SUPT16H: variants seen among roughly 807,000 people sequenced by gnomAD.
The protein encoded by SUPT16H is FACT complex subunit SPT16.
Under a neutral mutation model 136.2 loss-of-function variants are expected in SUPT16H, and 24 were observed. The ratio of observed to expected loss-of-function variants is 0.18; its 90% CI spans 0.13 to 0.25. The LOEUF (loss-of-function observed/expected upper bound fraction) is 0.25. Ranked by LOEUF, SUPT16H falls within the 10% of genes least tolerant of loss-of-function variation. The pLI, the probability that SUPT16H is intolerant of heterozygous loss-of-function variation, is 1.00. For synonymous variants in SUPT16H, 415 were observed against 428.2 expected (o/e 0.97, Z 0.38); for missense variants, 623 against 1,270.2 (o/e 0.49, Z 7.74).
At chr14:21,355,437 G>A (rs569764609) in intron 22 of SUPT16H, among the ~76,000 whole-genome samples, 81 of 149,160 alleles carry the variant, frequency 5.4e-4, no homozygotes, top group African/African-American at 2.0e-3. Flanking sequence ...AGGTTGCAGT[G>A]AGCCGAGATC....
In SUPT16H at chr14:21,373,395, A is replaced by G. The variant is rs779282890; in HGVS notation, c.102T>C (p.Ile34=). 1.5e-5 allele frequency: 25 copies of G among 1,614,172 alleles called. No homozygotes were observed. The South Asian group carries it at 2.6e-4, about 17-fold the overall frequency. The change falls in exon 2 of 26, where the codon ATT becomes ATC. Residue 34 remains isoleucine (I), a synonymous_variant. Coordinates refer to ENST00000216297, the MANE Select transcript of SUPT16H (RefSeq NM_007192.4). ...CTTCATCAACACCCACTGATACAACAATGGCATCAACGTTGGCATACTCAT... is the reference window on the plus strand; with the variant it reads ...CTTCATCAACACCCACTGATACAACGATGGCATCAACGTTGGCATACTCAT... ...GEDEYANVDA[I]VVSVGVDEEI... is the part of the protein sequence containing the mutation.
Position 21,352,312 on chromosome 14 carries a change from T to C in SUPT16H, c.*361A>G. The C allele has an allele frequency of 3.7e-6, 1 of 267,758 alleles. No homozygotes were observed. Among genetic ancestry groups the C allele is most frequent in the Non-Finnish European group, 7.4e-6 (1 of 135,398 alleles). The allele number at this position is 267,758 out of a possible 1,614,324, so 16.6% of individuals were successfully genotyped here. On this transcript the variant is annotated 3_prime_UTR_variant, in exon 26 of 26. Coordinates refer to ENST00000216297, the MANE Select transcript of SUPT16H (RefSeq NM_007192.4). Reference sequence around the variant, plus strand: ...ATGATACGGGTAATTAAGGGTCACCTTGTACCACTGTCTTGGAAATACAGC... The same window carrying C: ...ATGATACGGGTAATTAAGGGTCACCCTGTACCACTGTCTTGGAAATACAGC...
rs757485943 is a variant in SUPT16H, at chr14:21,362,782, G to C, written c.1665+12C>G. ...CAGTTTGGATGAAACCTGATGCACT[G>C]AATGTCAGTACCTTGATTGTGGCAA... On this transcript the variant is annotated intron_variant, in intron 14 of 25. Coordinates refer to ENST00000216297, the MANE Select transcript of SUPT16H (RefSeq NM_007192.4). 2 of 1,591,130 alleles carry C rather than the reference G, an allele frequency of 1.3e-6. No individual in the cohort carries two copies. Among genetic ancestry groups the C allele is most frequent in the South Asian group, 2.3e-5 (2 of 86,886 alleles).
intron 1 of SUPT16H, among the ~76,000 whole-genome samples, chr14:21,382,641 T>C (rs1450534832): frequency 1.3e-5 from 2 of 150,356 alleles, no homozygotes; most frequent in African/African-American, 2.4e-5. Context: ...GGTTTTAAAA[T>C]GTTTTTCTAA....
At chr14:21,379,473 T>C (rs1453426247) in intron 1 of SUPT16H, among the ~76,000 whole-genome samples, 2 of 149,736 alleles carry the variant, frequency 1.3e-5, no homozygotes, top group East Asian at 2.0e-4. Context: ...AACTAGACTA[T>C]AAAAGCTGAG....
intron 5 of SUPT16H, 121 bp from the exon 6 acceptor site, chr14:21,369,476 C>T: frequency 7.5e-7 from 1 of 1,332,378 alleles, no homozygotes; most frequent in Non-Finnish European, 1.0e-6. Context: ...GATTTATGCG[C>T]CAGGTAATAT....
Position 21,365,116 on chromosome 14 carries a change from T to G in SUPT16H, c.1074A>C (p.Glu358Asp). 6.2e-7 allele frequency: 1 copy of G among 1,613,794 alleles called. No individual in the cohort carries two copies. Among genetic ancestry groups the G allele is most frequent in the Non-Finnish European group, 8.5e-7 (1 of 1,179,860 alleles). The change falls in exon 9 of 26, where the codon GAA becomes GAC. Residue 358 changes from glutamate to aspartate, a missense_variant. Transcript: ENST00000216297. Reference sequence around the variant, plus strand: ...TTTTGCTATTGATTACTAGGGAGCCTTCACGGAATTCAATTCCCATCCCAA... The same window carrying G: ...TTTTGCTATTGATTACTAGGGAGCCGTCACGGAATTCAATTCCCATCCCAA... ...LGFGMGIEFREGSLVINSKNQ... is the reference protein window; with the variant it reads ...LGFGMGIEFRDGSLVINSKNQ...
intron 18 of SUPT16H, among the ~76,000 whole-genome samples, chr14:21,359,962 C>A (rs936656323): frequency 1.3e-5 from 2 of 152,192 alleles, no homozygotes; most frequent in Non-Finnish European, 2.9e-5. Context: ...AGATGCCAGG[C>A]CTTGTGGCCT....
chr14:21,352,691 G>A lies in SUPT16H; in HGVS notation c.3126C>T (p.Pro1042=), dbSNP rs1339958979. ...NRGSRHSSAP[P]KKKRK ...TCAGAAGTTACTTCCTCTTTTTCTT[G>A]GGGGGTGCAGAGCTGTGTCTGGAAC... is the stretch of plus-strand genomic sequence containing the variant. Residue 1042 remains proline, a synonymous_variant, in exon 26 of 26, where the codon CCC becomes CCT. Transcript: ENST00000216297. The A allele has an allele frequency of 3.1e-6, 5 of 1,613,902 alleles. No individual in the cohort carries two copies. The highest frequency in any genetic ancestry group is 1.3e-5 in the African/African-American group (1 of 74,920).
chr14:21,358,223 TATG>T (rs1481915511), intron 20 of SUPT16H, 89 bp downstream of exon 20: 27 of 883,184 alleles, frequency 3.1e-5, no homozygotes, highest in African/African-American at 1.2e-4. Flanking sequence ...GAAAAAAGGA[TATG>T]ATATGTTAAA....
At chr14:21,378,573 G>A (rs1349653045) in intron 1 of SUPT16H, among the ~76,000 whole-genome samples, 1 of 152,100 alleles carries the variant, frequency 6.6e-6, no homozygotes, top group African/African-American at 2.4e-5. Context: ...CAACTTTTCT[G>A]TCTTTAAAAT....
Position 21,366,532 on chromosome 14 carries a change from A to G in SUPT16H, c.956-3T>C. 6.2e-7 allele frequency: 1 copy of G among 1,611,550 alleles called. No individual in the cohort carries two copies. Among genetic ancestry groups the G allele is most frequent in the Non-Finnish European group, 8.5e-7 (1 of 1,179,160 alleles). ...ATACACGTCACATATCTTCACACCTAATAACAAGACACAAAGGAGATATTA... is the reference window on the plus strand; with the variant it reads ...ATACACGTCACATATCTTCACACCTGATAACAAGACACAAAGGAGATATTA... On this transcript the variant is annotated splice_polypyrimidine_tract_variant and splice_region_variant and intron_variant, in intron 7 of 25. Transcript: ENST00000216297.
intron 17 of SUPT16H, 133 bp from the exon 18 acceptor site, chr14:21,360,666 C>G: frequency 8.3e-7 from 1 of 1,205,432 alleles, no homozygotes; most frequent in Non-Finnish European, 1.2e-6. Flanking sequence ...TTCCTTCTGG[C>G]CACACAGCAG....
At position 21,380,937 on chromosome 14, in the gene SUPT16H, A is replaced by T. The variant is rs1289436209; in HGVS notation, c.66+2925T>A. ...AAAGGCTGGCAATCCCTGAAGAAGG[A>T]TCTAGTAGGCATAAGAGGACAAAGA... On this transcript the variant is annotated intron_variant, in intron 1 of 25. Coordinates refer to ENST00000216297, the MANE Select transcript of SUPT16H (RefSeq NM_007192.4). Among the ~76,000 whole-genome samples, 11 of 151,500 alleles carry T rather than the reference A, an allele frequency of 7.3e-5. No homozygotes were observed. In the Admixed American group the frequency reaches 7.3e-4, roughly 10 times the overall value.
At chr14:21,363,800 T>A (rs1293780660) in intron 10 of SUPT16H, among the ~76,000 whole-genome samples, 4 of 152,256 alleles carry the variant, frequency 2.6e-5, no homozygotes. Flanking sequence ...TGCCTCAGCC[T>A]CCCGAGTAGC....
rs138591909 is a variant in SUPT16H at position 21,382,219 on chromosome 14, T to C, written c.66+1643A>G. On this transcript the variant is annotated intron_variant, in intron 1 of 25. Transcript: ENST00000216297. Reference sequence around the variant, plus strand: ...AATAGCCACAGGTTTTGTTAACTGGTACATTTTTACATAGATTTGGCTCAT... The same window carrying C: ...AATAGCCACAGGTTTTGTTAACTGGCACATTTTTACATAGATTTGGCTCAT... Among the ~76,000 whole-genome samples the C allele has an allele frequency of 1.4e-4, 21 of 152,346 alleles. No homozygotes were observed. The East Asian group carries it at 3.9e-3, about 28-fold the overall frequency.
intron 18 of SUPT16H, 143 bp from the exon 19 acceptor site, chr14:21,359,752 G>GA: frequency 6.4e-6 from 6 of 937,578 alleles, no homozygotes; most frequent in African/African-American, 1.7e-5. Flanking sequence ...AAATAATGAT[G>GA]CTTGGGAATG....
intron 10 of SUPT16H, 41 bp downstream of exon 10, chr14:21,364,786 G>A (rs1886630108): frequency 1.9e-6 from 3 of 1,562,608 alleles, no homozygotes; most frequent in Non-Finnish European, 1.8e-6. Context: ...TGCCTCAGAA[G>A]TTAGTTCATG....
intron 2 of SUPT16H, chr14:21,372,615 T>A (rs772789418): frequency 2.4e-6 from 1 of 418,970 alleles, no homozygotes; most frequent in Admixed American, 3.4e-5. Context: ...GGAATGTAGA[T>A]GAAACACCTG....
Sources: gnomAD v4.1 joint callset for allele counts (sites outside exome capture counted in the v4.1 genomes callset) on GRCh38, gnomAD v4.1.1 for gene constraint, MANE v1.5 for transcripts, NCBI Gene and HGNC (gene_info 2026-07-23, HGNC 2026-07-21) for gene names.